Variants in ATP1A3 observed in about 807,000 individuals in gnomAD.
The protein encoded by ATP1A3 is sodium/potassium-transporting ATPase subunit alpha-3.
ATP1A3 carries 12 observed loss-of-function variants against 108.8 expected under a neutral mutation model. That is an observed-to-expected ratio of 0.11 (90% confidence interval 0.07 to 0.18). The LOEUF (loss-of-function observed/expected upper bound fraction) is 0.18, where lower values mean the gene tolerates loss of function less well. ATP1A3 is among the 10% of genes least tolerant of loss of function. The pLI is 1.00. For missense variants in ATP1A3, 498 were observed against 1,387.7 expected (o/e 0.36, Z 10.19); for synonymous variants, 539 against 564.5 (o/e 0.95, Z 0.64).
intron 4 of ATP1A3, among the ~76,000 whole-genome samples, chr19:41,987,360 G>C (rs2075296641): frequency 6.6e-6 from 1 of 152,266 alleles, no homozygotes; most frequent in South Asian, 2.1e-4. Flanking sequence ...GAGTTTCTCT[G>C]TCAGTGTATA....
Position 41,978,467 on chromosome 19 carries a change from C to T in ATP1A3, c.1630+139G>A. ...GCATTCATTTCCTAGGATACCTTCCCCTCTCATCCATCCATTCATTCATTC... is the reference window on the plus strand; with the variant it reads ...GCATTCATTTCCTAGGATACCTTCCTCTCTCATCCATCCATTCATTCATTC... On this transcript the variant is annotated intron_variant, in intron 12 of 22. Coordinates refer to ENST00000648268, the MANE Select transcript of ATP1A3 (RefSeq NM_152296.5). This position sits in a 1 kb window ranked among gnomAD's most constrained non-coding sequence, Gnocchi z 8.3. 6.8e-7 allele frequency: 1 copy of T among 1,478,994 alleles called. No individual in the cohort carries two copies. The highest frequency in any genetic ancestry group is 9.2e-7 in the Non-Finnish European group (1 of 1,082,098). 91.6% of individuals were successfully genotyped at this position (1,478,994 alleles called of 1,614,324 possible).
intron 18 of ATP1A3, among the ~76,000 whole-genome samples, chr19:41,969,852 A>AG (rs1345922520): frequency 2.0e-5 from 3 of 152,190 alleles, no homozygotes; most frequent in Admixed American, 6.5e-5. Flanking sequence ...AGGCCACCTA[A>AG]ACATCATGAA....
chr19:41,966,644 G>A lies in ATP1A3; in HGVS notation c.*293C>T, dbSNP rs1490046256. ...AACCAGAGATGGCATCAGCCGGGGG[G>A]CTGAAGGGGAGTAAAAAAGAGCCCA... On this transcript the variant is annotated 3_prime_UTR_variant, in exon 23 of 23. Transcript: ENST00000648268. 6.6e-6 allele frequency: 10 copies of A among 1,507,304 alleles called. No homozygotes were observed. The highest frequency in any genetic ancestry group is 8.9e-6 in the Non-Finnish European group (10 of 1,119,394). 93.4% of individuals were successfully genotyped at this position (1,507,304 alleles called of 1,614,324 possible). A position where few individuals can be genotyped will look rare whatever the true frequency, so the allele number is the denominator to read the frequency against.
At position 41,981,827 on chromosome 19, in the gene ATP1A3, G is replaced by A. The variant is rs781903799; in HGVS notation, c.1197C>T (p.Thr399=). Residue 399 remains threonine (T), a synonymous_variant, in exon 10 of 23, where the codon ACC becomes ACT. Coordinates refer to ENST00000648268, the MANE Select transcript of ATP1A3 (RefSeq NM_152296.5). The surrounding 1 kb of genome is among the most constrained non-coding windows in gnomAD (Gnocchi z 5.0). ...AGGTGTGCGAACTCTTGTCAAATGA[G>A]GTCCCTGGGGGAGGCATGTGTGAGG... ...EADTTEDQSG[T]SFDKSSHTWV... 16 of 1,614,112 alleles carry A rather than the reference G, an allele frequency of 9.9e-6. No homozygotes were observed. In the Admixed American group the frequency reaches 1.7e-4, roughly 17 times the overall value.
At chr19:41,975,340 G>A (rs1017293442) in intron 16 of ATP1A3, among the ~76,000 whole-genome samples, 2 of 152,124 alleles carry the variant, frequency 1.3e-5, no homozygotes, top group Non-Finnish European at 2.9e-5. Context: ...CGTGGCTGCC[G>A]CCCCTGGCTG....
intron 8 of ATP1A3, among the ~76,000 whole-genome samples, chr19:41,984,026 C>T (rs907603915): frequency 6.6e-6 from 1 of 151,756 alleles, no homozygotes; most frequent in South Asian, 2.1e-4. Flanking sequence ...CCACCCGCCT[C>T]GGCCTCCCAA....
At position 41,970,175 on chromosome 19, in the gene ATP1A3, G is replaced by A. The variant is rs782693337; in HGVS notation, c.2542+10C>T. On this transcript the variant is annotated intron_variant, in intron 18 of 22. Coordinates refer to ENST00000648268, the MANE Select transcript of ATP1A3 (RefSeq NM_152296.5). ...TGGGTGGTAAGGAGATGGAGTCCCC[G>A]GTGCCTCACCAATCTGCCCGTAGGC... 29 of 1,614,226 alleles carry A rather than the reference G, an allele frequency of 1.8e-5. No individual in the cohort carries two copies. Among genetic ancestry groups the A allele is most frequent in the South Asian group, 1.1e-4 (10 of 91,090 alleles).
intron 4 of ATP1A3, among the ~76,000 whole-genome samples, chr19:41,987,101 G>A (rs2075294232): frequency 6.6e-6 from 1 of 152,272 alleles, no homozygotes; most frequent in African/African-American, 2.4e-5. Flanking sequence ...CTGGGATGCG[G>A]CTGTCTGTCC....
rs146218773 is a variant in ATP1A3 at position 41,982,081 on chromosome 19, C to T, written c.1019G>A (p.Arg340His). 6.2e-7 allele frequency: 1 copy of T among 1,614,154 alleles called. No individual in the cohort carries two copies. Residue 340 changes from arginine (R) to histidine (H), a missense_variant, in exon 9 of 23, where the codon CGC becomes CAC. Coordinates refer to ENST00000648268, the MANE Select transcript of ATP1A3 (RefSeq NM_152296.5). ...VTVCLTLTAK[R>H]MARKNCLVKN... ...CACCAGGCAGTTCTTCCGGGCCATG[C>T]GCTTGGCGGTCAGCGTCAGACACAC...
In ATP1A3 at chr19:41,986,140, C is replaced by T; in HGVS notation, c.447G>A (p.Glu149=). ...YQEAKSSKIM[E]SFKNMVPQQA... is the part of the protein sequence containing the mutation. ...CCTGGGGCACCATGTTCTTGAAGGA[C>T]TCCATGATCTTGGAGCTCTTGGCCT... The change falls in exon 5 of 23, where the codon GAG becomes GAA. Residue 149 remains glutamate, a synonymous_variant. Coordinates refer to ENST00000648268, the MANE Select transcript of ATP1A3 (RefSeq NM_152296.5). The T allele has an allele frequency of 6.2e-7, 1 of 1,614,180 alleles. No individual in the cohort carries two copies. The highest frequency in any genetic ancestry group is 8.5e-7 in the Non-Finnish European group (1 of 1,180,024).
At chr19:41,982,228 A>C in intron 8 of ATP1A3, 122 bp from the exon 9 acceptor site, 2 of 1,541,268 alleles carry the variant, frequency 1.3e-6, no homozygotes, top group South Asian at 2.3e-5. Flanking sequence ...CCTGGAAAAG[A>C]ATGAGGCAGC....
chr19:41,993,854 C>A, intron 1 of ATP1A3: 1 of 857,120 alleles, frequency 1.2e-6, no homozygotes, highest in African/African-American at 1.7e-5. Context: ...CCTCGCGGAT[C>A]TCCGCACACA....
In ATP1A3 at chr19:41,994,190, G is replaced by GCGTC. The variant is rs879996553; in HGVS notation, c.-118_-115dup. The GCGTC allele has an allele frequency of 6.8e-5, 70 of 1,031,806 alleles. No individual in the cohort carries two copies. Among genetic ancestry groups the GCGTC allele is most frequent in the East Asian group, 2.6e-4 (8 of 31,328 alleles). The allele number at this position is 1,031,806 out of a possible 1,614,324, so 63.9% of individuals were successfully genotyped here. Reference sequence around the variant, plus strand: ...AGCGCCCGCGCCTCGGTAGGTGCGCGCGTCCGTCCGTCCGTCCGTTGGTCC... The same window carrying GCGTC: ...AGCGCCCGCGCCTCGGTAGGTGCGCGCGTCCGTCCGTCCGTCCGTCCGTTGGTCC... On this transcript the variant is annotated 5_prime_UTR_variant, in exon 1 of 23. Coordinates refer to ENST00000648268, the MANE Select transcript of ATP1A3 (RefSeq NM_152296.5).
At position 41,985,809 on chromosome 19, in the gene ATP1A3, TG is replaced by T; in HGVS notation, c.606+54del. The T allele has an allele frequency of 8.1e-6, 13 of 1,606,368 alleles. No homozygotes were observed. The highest frequency in any genetic ancestry group is 1.1e-5 in the Non-Finnish European group (13 of 1,177,796). The stretch of plus-strand genomic sequence containing the variant: ...AGTGTGAGGGAGGAGGGGCTGGGCC[TG>T]AGCTCCTGGGCAGCCCGAGGGAGGG... On this transcript the variant is annotated intron_variant, in intron 6 of 22. Transcript: ENST00000648268. The surrounding 1 kb of genome is among the most constrained non-coding windows in gnomAD (Gnocchi z 8.2).
intron 11 of ATP1A3, among the ~76,000 whole-genome samples, chr19:41,979,969 G>C (rs574153042): frequency 6.6e-6 from 1 of 152,162 alleles, no homozygotes; most frequent in African/African-American, 2.4e-5. Flanking sequence ...CTCCATGCCC[G>C]TGGGGCCTGA....
At chr19:41,977,273 T>G (rs1388249420) in intron 14 of ATP1A3, among the ~76,000 whole-genome samples, 1 of 152,190 alleles carries the variant, frequency 6.6e-6, no homozygotes, top group Non-Finnish European at 1.5e-5. Flanking sequence ...ACAGAAGTAC[T>G]GGATTCTACT....
chr19:41,983,572 AAAT>A (rs1196141892), intron 8 of ATP1A3, among the ~76,000 whole-genome samples: 18 of 146,418 alleles, frequency 1.2e-4, no homozygotes, highest in South Asian at 2.1e-4. Context: ...AAATTTTTAA[AAAT>A]AATAATAATA....
chr19:41,981,488 A>T lies in ATP1A3; in HGVS notation c.1437+14T>A, dbSNP rs1555863290. ...CTGAGGTCCAGGCTGGCTCTCCCGGAAAGCCCAGAGTACCTGGTATTTGTT... is the reference window on the plus strand; with the variant it reads ...CTGAGGTCCAGGCTGGCTCTCCCGGTAAGCCCAGAGTACCTGGTATTTGTT... On this transcript the variant is annotated intron_variant, in intron 11 of 22. Coordinates refer to ENST00000648268, the MANE Select transcript of ATP1A3 (RefSeq NM_152296.5). This position sits in a 1 kb window ranked among gnomAD's most constrained non-coding sequence, Gnocchi z 5.0. The T allele has an allele frequency of 6.2e-7, 1 of 1,614,060 alleles. No individual in the cohort carries two copies. Among genetic ancestry groups the T allele is most frequent in the Non-Finnish European group, 8.5e-7 (1 of 1,180,038 alleles).
rs560065605 is a variant in ATP1A3, at chr19:41,967,115, G to A, written c.3013+134C>T. ...CCGTGAGAAGACAGAGTGGGTGCCC[G>A]GAGAGATGGGAAGAGAGAGAAGAGT... On this transcript the variant is annotated intron_variant, in intron 22 of 22. Transcript: ENST00000648268. This position sits in a 1 kb window ranked among gnomAD's most constrained non-coding sequence, Gnocchi z 4.2. 140 of 1,556,182 alleles carry A rather than the reference G, an allele frequency of 9.0e-5. No individual in the cohort carries two copies. In the African/African-American group the frequency reaches 1.3e-3, roughly 14 times the overall value.
Sources: gnomAD v4.1 joint callset for allele counts (sites outside exome capture counted in the v4.1 genomes callset) on GRCh38, gnomAD v4.1.1 for gene constraint, Gnocchi (gnomAD v3.1) non-coding constraint, MANE v1.5 for transcripts, NCBI Gene and HGNC (gene_info 2026-07-23, HGNC 2026-07-21) for gene names.